NUP160: variants seen among roughly 807,000 people sequenced by gnomAD.
NUP160 encodes nuclear pore complex protein Nup160.
A neutral mutation model predicts 196.9 loss-of-function variants in NUP160; 94 were observed. The ratio of observed to expected loss-of-function variants is 0.48; its 90% confidence interval spans 0.40 to 0.57. The LOEUF is 0.57. NUP160 is among the 20% of genes least tolerant of loss of function. The pLI is 0.00. For synonymous variants in NUP160, 605 were observed against 619.7 expected (o/e 0.98, Z 0.35); for missense variants, 1,638 against 1,748.3 (o/e 0.94, Z 1.13).
At chr11:47,817,262 G>C (rs541114718) in intron 11 of NUP160, among the ~76,000 whole-genome samples, 19 of 151,840 alleles carry the variant, frequency 1.3e-4, no homozygotes, top group African/African-American at 3.6e-4. Context: ...GGGATTACAG[G>C]TGTGAGTCAC....
rs191853482 is a variant in NUP160, at chr11:47,806,562, C to T, written c.2447-250G>A. On this transcript the variant is annotated intron_variant, in intron 19 of 35. Transcript: ENST00000378460. Reference sequence around the variant, plus strand: ...ATTTCTTTTCACTGATCTCACAAGACTTAAGTGCCTTCCCTAGAAATTCTT... The same window carrying T: ...ATTTCTTTTCACTGATCTCACAAGATTTAAGTGCCTTCCCTAGAAATTCTT... The T allele has an allele frequency of 4.4e-3, 1,610 of 364,534 alleles. 28 individuals carry two copies. Among genetic ancestry groups the T allele is most frequent in the African/African-American group, 0.031 (1,509 of 48,702 alleles). 22.6% of individuals were successfully genotyped at this position (364,534 alleles called of 1,614,324 possible).
chr11:47,793,787 G>A (rs1049940154), intron 27 of NUP160, among the ~76,000 whole-genome samples: 4 of 130,070 alleles, frequency 3.1e-5, no homozygotes, highest in African/African-American at 6.2e-5. Context: ...GTTGCCAAAG[G>A]TGGCATGCAA....
chr11:47,824,980 C>A (rs1335169556), intron 7 of NUP160, among the ~76,000 whole-genome samples: 4 of 151,830 alleles, frequency 2.6e-5, no homozygotes, highest in African/African-American at 7.3e-5. Flanking sequence ...GGACTACAGG[C>A]GCCTGCCACC....
In NUP160 at chr11:47,818,184, A is replaced by G. The variant is rs1851777169; in HGVS notation, c.1363-60T>C. 1.8e-5 allele frequency: 19 copies of G among 1,083,666 alleles called. No individual in the cohort carries two copies. In the East Asian group the frequency reaches 4.5e-4, roughly 26 times the overall value. The allele number at this position is 1,083,666 out of a possible 1,614,324, so 67.1% of individuals were successfully genotyped here. ...CTAAACAAAATTTGGAATTCAACAC[A>G]TAACACCAAAGTTTGAGTTTCTACT... On this transcript the variant is annotated intron_variant, in intron 10 of 35. Transcript: ENST00000378460.
intron 11 of NUP160, 48 bp from the exon 12 acceptor site, chr11:47,816,077 A>G (rs1462835227): frequency 8.4e-6 from 11 of 1,310,342 alleles, no homozygotes; most frequent in African/African-American, 1.5e-5. Context: ...CCAAAACTGA[A>G]TGGAAAACGT....
exon 33 of NUP160, chr11:47,785,018 C>T (rs756070737): frequency 1.3e-6 from 2 of 1,598,186 alleles, no homozygotes; most frequent in East Asian, 4.6e-5. Context: ...GGACTTTGTA[C>T]CTCTCCAGGT....
chr11:47,826,139 T>TAAACAAACAAAC (rs377604809), intron 7 of NUP160, among the ~76,000 whole-genome samples: 2 of 151,830 alleles, frequency 1.3e-5, no homozygotes, highest in Admixed American at 1.3e-4. Context: ...CAAACAGCAT[T>TAAACAAACAAAC]AAACAAACAA....
chr11:47,817,245 A>G (rs1186081228), intron 11 of NUP160, among the ~76,000 whole-genome samples: 1 of 151,820 alleles, frequency 6.6e-6, no homozygotes, highest in Non-Finnish European at 1.5e-5. Context: ...CAGCCTCCCA[A>G]AATTTTGGGA....
chr11:47,785,042 T>A (rs1325521630), exon 33 of NUP160: 11 of 1,528,900 alleles, frequency 7.2e-6, no homozygotes, highest in Non-Finnish European at 9.7e-6. Context: ...TGGATAATAG[T>A]CGCCATGCTT....
intron 21 of NUP160, 59 bp from the exon 22 acceptor site, chr11:47,803,595 C>A: frequency 1.1e-6 from 1 of 889,098 alleles, no homozygotes; most frequent in South Asian, 1.4e-5. Context: ...AGGAGATACT[C>A]ATTCCCAAGT....
intron 2 of NUP160, among the ~76,000 whole-genome samples, chr11:47,843,697 A>G (rs1852348584): frequency 6.6e-6 from 1 of 152,228 alleles, no homozygotes. Flanking sequence ...TTAACACCCT[A>G]TAGCATACAG....
chr11:47,842,049 T>C (rs1852309817), intron 2 of NUP160, among the ~76,000 whole-genome samples: 1 of 152,044 alleles, frequency 6.6e-6, no homozygotes, highest in Non-Finnish European at 1.5e-5. Flanking sequence ...TTAGCCACCA[T>C]GCCTGGCCCT....
At chr11:47,827,258 G>A (rs1178930437) in intron 7 of NUP160, 2 of 408,970 alleles carry the variant, frequency 4.9e-6, no homozygotes, top group African/African-American at 2.1e-5. Context: ...CAGCTACCTG[G>A]GAGGCTGAGG....
At chr11:47,846,363 C>T (rs1376772041) in intron 2 of NUP160, among the ~76,000 whole-genome samples, 2 of 152,146 alleles carry the variant, frequency 1.3e-5, no homozygotes, top group African/African-American at 4.8e-5. Flanking sequence ...GCCTACTTGA[C>T]ATTTCCAAAG....
In NUP160 at chr11:47,812,084, A is replaced by AGT; in HGVS notation, c.2220_2221insAC (p.Leu741ThrfsTer2). On this transcript the variant is annotated frameshift_variant, in exon 17 of 36. Coordinates refer to ENST00000378460, the Ensembl canonical transcript of NUP160. LOFTEE classifies it high-confidence loss of function. The stretch of plus-strand genomic sequence containing the variant: ...CTTACAGCATCTCCAAGCCTCATTA[A>AGT]CAGCTGCTGTAAGATCAAAAGATCT... 6.2e-7 allele frequency: 1 copy of AGT among 1,614,132 alleles called. No homozygotes were observed. Among genetic ancestry groups the AGT allele is most frequent in the Non-Finnish European group, 8.5e-7 (1 of 1,180,022 alleles).
chr11:47,804,490 A>AG, intron 21 of NUP160, 59 bp downstream of exon 21: 1 of 1,169,696 alleles, frequency 8.5e-7, no homozygotes, highest in Non-Finnish European at 1.2e-6. Flanking sequence ...AAAGAAAAAA[A>AG]TTCAGCAATC....
At chr11:47,801,100 A>G (rs542405631) in intron 23 of NUP160, among the ~76,000 whole-genome samples, 1 of 152,340 alleles carries the variant, frequency 6.6e-6, no homozygotes, top group South Asian at 2.1e-4. Flanking sequence ...GAGGGGCAGG[A>G]AACAGGTCAA....
chr11:47,794,376 G>T (rs2097669674), intron 27 of NUP160, among the ~76,000 whole-genome samples: 1 of 152,180 alleles, frequency 6.6e-6, no homozygotes, highest in Admixed American at 6.5e-5. Context: ...TCAGGAGGCT[G>T]AGGCAGGAGA....
At chr11:47,837,099 C>T in intron 5 of NUP160, 98 bp from the exon 6 acceptor site, 1 of 657,086 alleles carries the variant, frequency 1.5e-6, no homozygotes, top group Non-Finnish European at 2.7e-6. Context: ...TAAATGTACA[C>T]TCTTAGCAGA....
Sources: allele counts gnomAD v4.1 joint callset (sites outside exome capture counted in the v4.1 genomes callset), GRCh38; gene constraint gnomAD v4.1.1; transcripts MANE v1.5; gene names NCBI Gene and HGNC (gene_info 2026-07-23, HGNC 2026-07-21).